Variants in FHIT observed in about 807,000 individuals in gnomAD.
FHIT encodes bis(5'-adenosyl)-triphosphatase.
FHIT carries 19 observed loss-of-function variants against 17.9 expected under a neutral mutation model. The ratio of observed to expected loss-of-function variants is 1.06; its 90% CI spans 0.74 to 1.56. The LOEUF is 1.56. Ranked by LOEUF, FHIT falls within the 40% of genes most tolerant of loss-of-function variation. The pLI, the probability that FHIT is intolerant of heterozygous loss-of-function variation, is 0.00. For missense variants in FHIT, 248 were observed against 189.2 expected, an observed-to-expected ratio of 1.31 and a Z score of -1.82; for synonymous variants, 81 against 69.7, an observed-to-expected ratio of 1.16 and a Z score of -0.81.
At chr3:59,968,236 G>C (rs1708018971) in intron 7 of FHIT, among the ~76,000 whole-genome samples, 1 of 152,018 alleles carries the variant, frequency 6.6e-6, no homozygotes, top group Admixed American at 6.6e-5. Context: ...CCAAGGTCAG[G>C]GGGCCAAGAC....
At chr3:60,148,813 G>A (rs536535217) in intron 5 of FHIT, among the ~76,000 whole-genome samples, 1,846 of 152,216 alleles carry the variant, frequency 0.012, 44 homozygotes, top group African/African-American at 0.042. Context: ...TTCATTCTTA[G>A]GCATTAACTG....
chr3:60,579,358 C>T (rs943861551), intron 4 of FHIT, among the ~76,000 whole-genome samples: 2 of 152,058 alleles, frequency 1.3e-5, no homozygotes, highest in Non-Finnish European at 2.9e-5. Flanking sequence ...AGAAAAGGTA[C>T]AGTAAAAATA....
chr3:60,037,366 C>G (rs1701260041), intron 5 of FHIT, among the ~76,000 whole-genome samples: 1 of 151,358 alleles, frequency 6.6e-6, no homozygotes, highest in Non-Finnish European at 1.5e-5. Context: ...TTAACCCACT[C>G]AGCTTACTTA....
chr3:60,051,499 G>A (rs952815840), intron 5 of FHIT, among the ~76,000 whole-genome samples: 1 of 151,954 alleles, frequency 6.6e-6, no homozygotes, highest in African/African-American at 2.4e-5. Context: ...ACCTAGAACA[G>A]GGACAGAGTG....
intron 3 of FHIT, among the ~76,000 whole-genome samples, chr3:60,842,641 ATATATTTTTTTTT>A (rs1702774063): frequency 2.3e-4 from 11 of 47,192 alleles, no homozygotes; most frequent in Non-Finnish European, 4.4e-4. Flanking sequence ...ATATATATAT[ATATATTTTTTTTT>A]TTTTTTTTTT....
At chr3:60,228,824 C>G (rs555629494) in intron 5 of FHIT, among the ~76,000 whole-genome samples, 2 of 152,294 alleles carry the variant, frequency 1.3e-5, no homozygotes, top group Non-Finnish European at 2.9e-5. Flanking sequence ...ATGAAGGGGA[C>G]TGGTTCCCTA....
intron 8 of FHIT, among the ~76,000 whole-genome samples, chr3:59,821,987 A>G (rs553627539): frequency 6.6e-6 from 1 of 152,234 alleles, no homozygotes; most frequent in East Asian, 1.9e-4. Context: ...AGTCCATTGT[A>G]TTATTCTTAT....
At chr3:59,865,067 TGGTTCCTTATTTTCAAATTATGTA>T (rs1702582920) in intron 8 of FHIT, among the ~76,000 whole-genome samples, 1 of 151,784 alleles carries the variant, frequency 6.6e-6, no homozygotes, top group Non-Finnish European at 1.5e-5. Context: ...GTCAAATAGA[TGGTTCCTTATTTTCAAATTATGTA>T]CTTCATCTTA....
At chr3:59,978,408 T>C (rs13094437) in intron 7 of FHIT, among the ~76,000 whole-genome samples, 51,914 of 151,862 alleles carry the variant, frequency 0.34, 10,243 homozygotes, top group East Asian at 0.53. Context: ...AATATTACTA[T>C]GCTTTAGAGT....
At chr3:60,325,248 G>C (rs1709636368) in intron 5 of FHIT, among the ~76,000 whole-genome samples, 1 of 152,074 alleles carries the variant, frequency 6.6e-6, no homozygotes, top group African/African-American at 2.4e-5. Context: ...ACTGGCCAGA[G>C]GGTTTTTAAA....
intron 3 of FHIT, among the ~76,000 whole-genome samples, chr3:60,976,158 G>T (rs1180508363): frequency 8.0e-6 from 1 of 125,388 alleles, no homozygotes; most frequent in Non-Finnish European, 1.6e-5. Flanking sequence ...CCAAGCTGGA[G>T]TGCAGTGGTG....
At chr3:59,837,688 G>A (rs573200817) in intron 8 of FHIT, among the ~76,000 whole-genome samples, 10 of 152,308 alleles carry the variant, frequency 6.6e-5, no homozygotes, top group South Asian at 6.2e-4. Context: ...ATGTGGATAC[G>A]TTTTTCTATG....
At chr3:60,338,707 C>T (rs887742799) in intron 5 of FHIT, among the ~76,000 whole-genome samples, 1 of 152,168 alleles carries the variant, frequency 6.6e-6, no homozygotes, top group African/African-American at 2.4e-5. Context: ...CATATCTGAA[C>T]AGCACCAGTG....
chr3:60,575,747 A>T (rs2037542163), intron 4 of FHIT, among the ~76,000 whole-genome samples: 1 of 152,180 alleles, frequency 6.6e-6, no homozygotes, highest in Non-Finnish European at 1.5e-5. Context: ...TTTGTTCATC[A>T]GAAAATAGAA....
At chr3:60,266,704 G>C (rs552822822) in intron 5 of FHIT, among the ~76,000 whole-genome samples, 10 of 151,974 alleles carry the variant, frequency 6.6e-5, no homozygotes, top group Non-Finnish European at 1.3e-4. Flanking sequence ...TTCCTGTAGA[G>C]AGTAAAATAG....
chr3:60,574,996 T>C (rs1171061992), intron 4 of FHIT, among the ~76,000 whole-genome samples: 1 of 151,966 alleles, frequency 6.6e-6, no homozygotes, highest in Non-Finnish European at 1.5e-5. Flanking sequence ...TGTCACATCT[T>C]TATGGGCCCA....
chr3:60,492,737 C>A (rs895026819), intron 5 of FHIT, among the ~76,000 whole-genome samples: 1 of 152,012 alleles, frequency 6.6e-6, no homozygotes, highest in African/African-American at 2.4e-5. Context: ...GAACTCCTGA[C>A]CTCAGGTGAT....
intron 1 of FHIT, among the ~76,000 whole-genome samples, chr3:61,219,327 A>G (rs1038393495): frequency 2.7e-5 from 4 of 146,890 alleles, no homozygotes; most frequent in Non-Finnish European, 6.0e-5. Context: ...AAATCTAAAA[A>G]TGTGTGTGTG....
intron 8 of FHIT, among the ~76,000 whole-genome samples, chr3:59,815,061 C>A (rs1700548861): frequency 6.6e-6 from 1 of 152,222 alleles, no homozygotes; most frequent in South Asian, 2.1e-4. Context: ...GATTACATCA[C>A]TTCACCTGCT....
Sources: allele counts gnomAD v4.1 joint callset (sites outside exome capture counted in the v4.1 genomes callset), GRCh38; gene constraint gnomAD v4.1.1; transcripts MANE v1.5; gene names NCBI Gene and HGNC (gene_info 2026-07-23, HGNC 2026-07-21).